Variants in PALM2AKAP2 observed in about 807,000 individuals in gnomAD.
PALM2AKAP2 encodes PALM2 and AKAP2 fusion, also known as PALM2-AKAP2 fusion protein.
A neutral mutation model predicts 71.5 loss-of-function variants in PALM2AKAP2; 37 were observed. The observed-to-expected ratio is 0.52, with a 90% confidence interval of 0.40 to 0.68. The LOEUF (loss-of-function observed/expected upper bound fraction) is 0.68, where lower values mean the gene tolerates loss of function less well. Among genes scored for constraint, PALM2AKAP2 ranks in the 30% least tolerant of loss-of-function variants. The pLI, the probability that PALM2AKAP2 is intolerant of heterozygous loss-of-function variation, is 0.00. For synonymous variants in PALM2AKAP2, 468 were observed against 478.8 expected (o/e 0.98, Z 0.29); for missense variants, 1,224 against 1,191.8 (o/e 1.03, Z -0.40).
At chr9:109,757,457 T>A (rs1291445961) in intron 1 of PALM2AKAP2, among the ~76,000 whole-genome samples, 2 of 152,116 alleles carry the variant, frequency 1.3e-5, no homozygotes, top group Non-Finnish European at 2.9e-5. Flanking sequence ...AAAAGTCTCC[T>A]ATGGTCACAA....
chr9:110,024,203 T>C (rs1588064322), intron 7 of PALM2AKAP2, among the ~76,000 whole-genome samples: 1 of 152,292 alleles, frequency 6.6e-6, no homozygotes, highest in East Asian at 1.9e-4. Flanking sequence ...CACAATCCAG[T>C]TTTAGAACAC....
chr9:109,978,010 G>T (rs1408341538), intron 6 of PALM2AKAP2, among the ~76,000 whole-genome samples: 6 of 152,170 alleles, frequency 3.9e-5, no homozygotes, highest in African/African-American at 1.4e-4. Flanking sequence ...GCTTGTAGAA[G>T]ATGTTAGCTT....
intron 1 of PALM2AKAP2, among the ~76,000 whole-genome samples, chr9:109,657,248 T>G (rs1372373328): frequency 2.0e-5 from 3 of 152,256 alleles, no homozygotes; most frequent in Non-Finnish European, 4.4e-5. Flanking sequence ...ATTTATGATA[T>G]TTTGCTTCTT....
intron 1 of PALM2AKAP2, among the ~76,000 whole-genome samples, chr9:109,782,734 G>A (rs560746818): frequency 7.9e-5 from 11 of 139,782 alleles, no homozygotes; most frequent in South Asian, 2.5e-4. Flanking sequence ...TGCTAACAGC[G>A]TGTGTTTGTT....
chr9:109,732,285 T>C (rs1828568249), intron 1 of PALM2AKAP2, among the ~76,000 whole-genome samples: 1 of 152,180 alleles, frequency 6.6e-6, no homozygotes, highest in South Asian at 2.1e-4. Context: ...TAGTGTGCTG[T>C]GATGGGAATA....
At chr9:109,750,263 A>C (rs1008688543) in intron 1 of PALM2AKAP2, among the ~76,000 whole-genome samples, 10 of 152,214 alleles carry the variant, frequency 6.6e-5, no homozygotes, top group Non-Finnish European at 5.9e-5. Context: ...AGCACAGGAA[A>C]TTAGTTCCAA....
chr9:110,099,205 T>C (rs957569672), intron 1 of PALM2AKAP2, among the ~76,000 whole-genome samples: 4 of 152,256 alleles, frequency 2.6e-5, no homozygotes, highest in Non-Finnish European at 1.5e-5. Flanking sequence ...CTTAGAAATG[T>C]AATGCTGTTT....
intron 7 of PALM2AKAP2, among the ~76,000 whole-genome samples, chr9:110,035,378 A>AT: frequency 7.2e-6 from 1 of 138,268 alleles, no homozygotes; most frequent in African/African-American, 3.0e-5. Flanking sequence ...TTATATACAT[A>AT]TATTATATGT....
At chr9:109,806,356 C>T (rs1339685809) in intron 1 of PALM2AKAP2, among the ~76,000 whole-genome samples, 1 of 152,114 alleles carries the variant, frequency 6.6e-6, no homozygotes, top group African/African-American at 2.4e-5. Flanking sequence ...GTAATTCAGC[C>T]AAGAAATATT....
intron 1 of PALM2AKAP2, among the ~76,000 whole-genome samples, chr9:109,740,499 C>A (rs139442378): frequency 2.0e-5 from 3 of 152,232 alleles, no homozygotes; most frequent in South Asian, 2.1e-4. Flanking sequence ...GAGGCAACAA[C>A]AAGGACTGGC....
At chr9:110,035,174 G>A (rs1324522500) in intron 7 of PALM2AKAP2, among the ~76,000 whole-genome samples, 1 of 145,330 alleles carries the variant, frequency 6.9e-6, no homozygotes, top group Non-Finnish European at 1.5e-5. Context: ...TTTACCCAAT[G>A]TACTAAATAT....
At chr9:109,791,194 A>G (rs76736955) in intron 1 of PALM2AKAP2, among the ~76,000 whole-genome samples, 2,358 of 152,298 alleles carry the variant, frequency 0.015, 62 homozygotes, top group African/African-American at 0.054. Context: ...CCTTATTTAC[A>G]CTGGAGTGAG....
chr9:109,735,418 G>A (rs1461334868), intron 1 of PALM2AKAP2, among the ~76,000 whole-genome samples: 3 of 151,850 alleles, frequency 2.0e-5, no homozygotes, highest in African/African-American at 7.3e-5. Flanking sequence ...CTGCATCTGG[G>A]GAGTCTGGGT....
At chr9:109,878,720 A>G (rs1829772523) in intron 2 of PALM2AKAP2, among the ~76,000 whole-genome samples, 1 of 152,148 alleles carries the variant, frequency 6.6e-6, no homozygotes, top group Admixed American at 6.5e-5. Context: ...AGTGAAGTCT[A>G]ACTTACTAAT....
intron 1 of PALM2AKAP2, among the ~76,000 whole-genome samples, chr9:110,092,172 A>C (rs1053997733): frequency 3.9e-5 from 6 of 152,198 alleles, no homozygotes; most frequent in African/African-American, 1.4e-4. Context: ...TATCTACTAA[A>C]AATACAAAAA....
Position 109,755,577 on chromosome 9 carries a change from A to G in PALM2AKAP2, c.6-24911A>G, listed in dbSNP as rs140682351. On this transcript the variant is annotated intron_variant, in intron 1 of 6. Transcript: ENST00000374531. ...AGGTGGGAAGATCATTTGAACCCAG[A>G]AATTTCAGGCTGCAGTGAGCTATGA... Among the ~76,000 whole-genome samples the G allele has an allele frequency of 4.8e-3, 724 of 152,146 alleles. 14 individuals carry two copies. The highest frequency in any genetic ancestry group is 0.016 in the African/African-American group (669 of 41,522).
At chr9:109,833,408 T>G (rs1213131167) in intron 1 of PALM2AKAP2, among the ~76,000 whole-genome samples, 1 of 152,054 alleles carries the variant, frequency 6.6e-6, no homozygotes, top group Non-Finnish European at 1.5e-5. Flanking sequence ...TGCTGTGTAG[T>G]GAGCACCATG....
At chr9:109,695,205 G>T (rs2118560560) in intron 1 of PALM2AKAP2, among the ~76,000 whole-genome samples, 1 of 152,264 alleles carries the variant, frequency 6.6e-6, no homozygotes, top group African/African-American at 2.4e-5. Context: ...CTTATAAAAT[G>T]CCATAAGCAA....
At chr9:110,027,800 G>A (rs901571448) in intron 7 of PALM2AKAP2, among the ~76,000 whole-genome samples, 11 of 152,158 alleles carry the variant, frequency 7.2e-5, no homozygotes, top group African/African-American at 2.7e-4. Flanking sequence ...GCTTTCTTTG[G>A]CCTTTGCTTT....
Sources: gnomAD v4.1 joint callset for allele counts (sites outside exome capture counted in the v4.1 genomes callset) on GRCh38, gnomAD v4.1.1 for gene constraint, MANE v1.5 for transcripts, NCBI Gene and HGNC (gene_info 2026-07-23, HGNC 2026-07-21) for gene names.